The following ZNF783 variants were observed in gnomAD, a reference collection of about 807,000 sequenced individuals.
The protein encoded by ZNF783 is protein ZNF783.
Under a neutral mutation model 31.3 loss-of-function variants are expected in ZNF783, and 25 were observed. That is an observed-to-expected ratio of 0.80 (90% CI 0.58 to 1.11). ZNF783 has a LOEUF of 1.11. ZNF783 is among the 50% of genes most tolerant of loss of function. The probability of loss-of-function intolerance (pLI) is 0.00; values close to 1 mark genes in which losing one functional copy is unlikely to be tolerated. For synonymous variants in ZNF783, 369 were observed against 319.1 expected, an observed-to-expected ratio of 1.16 and a Z score of -1.66; for missense variants, 797 against 760.0, an observed-to-expected ratio of 1.05 and a Z score of -0.57.
intron 1 of ZNF783, among the ~76,000 whole-genome samples, chr7:149,263,304 G>GTGTGTA (rs1459712064): frequency 3.4e-4 from 22 of 64,320 alleles, no homozygotes; most frequent in South Asian, 2.5e-3. Flanking sequence ...GTGTGTGTGT[G>GTGTGTA]TATATATATA....
In ZNF783 at chr7:149,267,339, C is replaced by G. The variant is rs373575900; in HGVS notation, c.673+117C>G. The G allele has an allele frequency of 1.6e-5, 22 of 1,396,822 alleles. No individual in the cohort carries two copies. In the East Asian group the frequency reaches 2.9e-4, roughly 18 times the overall value. The allele number at this position is 1,396,822 out of a possible 1,614,324, so 86.5% of individuals were successfully genotyped here. On this transcript the variant is annotated intron_variant, in intron 4 of 5. Coordinates refer to ENST00000434415, the MANE Select transcript of ZNF783 (RefSeq NM_001195220.2). ...GCAGGAAGGGAGCATAGACCATTAA[C>G]CCAAAGTGGGACCACTCTGTACAAG...
chr7:149,266,092 G>A (rs1239518155), intron 1 of ZNF783, among the ~76,000 whole-genome samples: 2 of 152,180 alleles, frequency 1.3e-5, no homozygotes, highest in Admixed American at 1.3e-4. Flanking sequence ...ACAGGAGCCG[G>A]GGCTGTTTTT....
In ZNF783 at chr7:149,281,849, T is replaced by A. The variant is rs1797478520; in HGVS notation, c.1147T>A (p.Ser383Thr). The A allele has an allele frequency of 1.3e-6, 2 of 1,494,790 alleles. No individual in the cohort carries two copies. Among genetic ancestry groups the A allele is most frequent in the Non-Finnish European group, 1.8e-6 (2 of 1,131,550 alleles). The allele number at this position is 1,494,790 out of a possible 1,614,324, so 92.6% of individuals were successfully genotyped here. Residue 383 changes from serine (S) to threonine (T), a missense_variant, in exon 6 of 6, where the codon TCG becomes ACG. Ser to Thr is a moderately conservative substitution (Grantham distance 58). Coordinates refer to ENST00000434415, the MANE Select transcript of ZNF783 (RefSeq NM_001195220.2). ...GGGGCGGCAGGAGGCCCCCGGCCGC[T>A]CGCCCACCAGCTGCGGGGACAGCCA... Reference protein sequence around the residue: ...EEGRQEAPGRSPTSCGDSQAM... With the variant: ...EEGRQEAPGRTPTSCGDSQAM...
intron 5 of ZNF783, among the ~76,000 whole-genome samples, chr7:149,280,059 C>A: frequency 6.6e-6 from 1 of 151,766 alleles, no homozygotes; most frequent in East Asian, 2.0e-4. Context: ...GCAGAGGCGC[C>A]CCTCACCTCC....
Position 149,262,326 on chromosome 7 carries a change from G to A in ZNF783, c.-8G>A, listed in dbSNP as rs936641225. On this transcript the variant is annotated 5_prime_UTR_variant, in exon 1 of 6. Coordinates refer to ENST00000434415, the MANE Select transcript of ZNF783 (RefSeq NM_001195220.2). ...GGGACTGCAACCCAGCGAGGGACGCGGGCAGCCATGGCCGAAGCGGCGCCT... is the reference window on the plus strand; with the variant it reads ...GGGACTGCAACCCAGCGAGGGACGCAGGCAGCCATGGCCGAAGCGGCGCCT... 3.0e-6 allele frequency: 4 copies of A among 1,354,024 alleles called. No individual in the cohort carries two copies. Among genetic ancestry groups the A allele is most frequent in the Non-Finnish European group, 3.8e-6 (4 of 1,048,310 alleles). The allele number at this position is 1,354,024 out of a possible 1,614,324, so 83.9% of individuals were successfully genotyped here.
chr7:149,271,242 T>A (rs1351707782), intron 4 of ZNF783, among the ~76,000 whole-genome samples: 1 of 152,378 alleles, frequency 6.6e-6, no homozygotes, highest in Middle Eastern at 3.4e-3. Flanking sequence ...CCAGCCTGGC[T>A]CTTTGATTTT....
At position 149,282,189 on chromosome 7, in the gene ZNF783, GC is replaced by G; in HGVS notation, c.1492del (p.Gln498SerfsTer67). 2 of 1,600,702 alleles carry G rather than the reference GC, an allele frequency of 1.2e-6. No homozygotes were observed. The highest frequency in any genetic ancestry group is 2.2e-5 in the South Asian group (2 of 91,074). ...RIHTGERPYQ[C>X]PQCGRTFNRN... ...CACACCGGTGAGCGGCCCTACCAGT[GC>G]CCCCAGTGTGGCCGGACCTTCAACC... On this transcript the variant is annotated frameshift_variant, in exon 6 of 6. Transcript: ENST00000434415. LOFTEE classifies it low-confidence loss of function (END_TRUNC).
Position 149,262,304 on chromosome 7 carries a change from A to G in ZNF783, c.-30A>G, listed in dbSNP as rs1454137547. 38 of 1,358,324 alleles carry G rather than the reference A, an allele frequency of 2.8e-5. No individual in the cohort carries two copies. The highest frequency in any genetic ancestry group is 3.3e-5 in the Non-Finnish European group (35 of 1,051,380). 84.1% of individuals were successfully genotyped at this position (1,358,324 alleles called of 1,614,324 possible). A position where few individuals can be genotyped will look rare whatever the true frequency, so the allele number is the denominator to read the frequency against. On this transcript the variant is annotated 5_prime_UTR_variant, in exon 1 of 6. Transcript: ENST00000434415. Reference sequence around the variant, plus strand: ...CGGGCCCGACAGGCCGGGTCCAGGGACTGCAACCCAGCGAGGGACGCGGGC... The same window carrying G: ...CGGGCCCGACAGGCCGGGTCCAGGGGCTGCAACCCAGCGAGGGACGCGGGC...
chr7:149,262,430 G>A lies in ZNF783; in HGVS notation c.24+73G>A, dbSNP rs1563192440. On this transcript the variant is annotated intron_variant, in intron 1 of 5. Transcript: ENST00000434415. ...CGCGTGAGCCCGCGCGAGGGACTCT[G>A]GCCGCGCGAGGCCGCGGGGTGAGAG... is the stretch of plus-strand genomic sequence containing the variant. The A allele has an allele frequency of 9.6e-6, 11 of 1,141,508 alleles. No individual in the cohort carries two copies. The South Asian group carries it at 2.6e-4, about 27-fold the overall frequency. 70.7% of individuals were successfully genotyped at this position (1,141,508 alleles called of 1,614,324 possible). A position where few individuals can be genotyped will look rare whatever the true frequency, so the allele number is the denominator to read the frequency against.
Position 149,262,357 on chromosome 7 carries a change from G to T in ZNF783, c.24G>T (p.Arg8=). 2 of 1,318,724 alleles carry T rather than the reference G, an allele frequency of 1.5e-6. No individual in the cohort carries two copies. The highest frequency in any genetic ancestry group is 9.7e-7 in the Non-Finnish European group (1 of 1,031,034). The allele number at this position is 1,318,724 out of a possible 1,614,324, so 81.7% of individuals were successfully genotyped here. A position where few individuals can be genotyped will look rare whatever the true frequency, so the allele number is the denominator to read the frequency against. Residue 8 remains arginine (R), a splice_region_variant and synonymous_variant, in exon 1 of 6, where the codon CGG becomes CGT. Transcript: ENST00000434415. ...CCATGGCCGAAGCGGCGCCTGCCCGGGTAAGCGCCCTCGGCCCCGCGGACG... is the reference window on the plus strand; with the variant it reads ...CCATGGCCGAAGCGGCGCCTGCCCGTGTAAGCGCCCTCGGCCCCGCGGACG... MAEAAPA[R]DPETDKHTED... is the part of the protein sequence containing the mutation.
intron 4 of ZNF783, among the ~76,000 whole-genome samples, chr7:149,269,285 GTTGAT>G (rs1438270353): frequency 6.6e-6 from 1 of 152,088 alleles, no homozygotes; most frequent in African/African-American, 2.4e-5. Context: ...TTTATTGCTT[GTTGAT>G]TTAAGTTCCT....
intron 4 of ZNF783, among the ~76,000 whole-genome samples, chr7:149,274,257 A>T (rs990870932): frequency 6.6e-6 from 1 of 151,830 alleles, no homozygotes; most frequent in African/African-American, 2.4e-5. Flanking sequence ...ATGATGAGAG[A>T]TAGGAGTTTA....
At chr7:149,269,022 A>C (rs990359017) in intron 4 of ZNF783, among the ~76,000 whole-genome samples, 4 of 152,216 alleles carry the variant, frequency 2.6e-5, no homozygotes, top group African/African-American at 9.6e-5. Flanking sequence ...GAAATCTTCA[A>C]ACTGCTTTCC....
At chr7:149,275,696 C>CT (rs1209838489) in intron 4 of ZNF783, 1 of 152,332 alleles carries the variant, frequency 6.6e-6, no homozygotes, top group Non-Finnish European at 1.5e-5. Flanking sequence ...TCTGGGGGCA[C>CT]TGGAGGCCAA....
At chr7:149,272,491 C>A (rs1797229228) in intron 4 of ZNF783, among the ~76,000 whole-genome samples, 1 of 152,082 alleles carries the variant, frequency 6.6e-6, no homozygotes, top group Non-Finnish European at 1.5e-5. Context: ...TTGTAGGATT[C>A]TTTTCAGTGT....
rs760111366 is a variant in ZNF783, at chr7:149,282,131, C to T, written c.1429C>T (p.Arg477Trp). Residue 477 changes from arginine (R) to tryptophan (W), a missense_variant, in exon 6 of 6, where the codon CGG (arginine) becomes TGG (tryptophan). Transcript: ENST00000434415. The stretch of plus-strand genomic sequence containing the variant: ...CCCCTACTGCGGCAAGGCCTTCCGC[C>T]GGCCCTCGGACCTCTTCCGGCACCA... ...ACPYCGKAFR[R>W]PSDLFRHQRI... is the part of the protein sequence containing the mutation. The T allele has an allele frequency of 3.1e-6, 5 of 1,599,348 alleles. No homozygotes were observed. Among genetic ancestry groups the T allele is most frequent in the African/African-American group, 1.3e-5 (1 of 74,920 alleles).
chr7:149,271,457 G>A (rs1797209186), intron 4 of ZNF783, among the ~76,000 whole-genome samples: 1 of 152,074 alleles, frequency 6.6e-6, no homozygotes, highest in Non-Finnish European at 1.5e-5. Flanking sequence ...TTTGTCCTCT[G>A]TATACATTCT....
At chr7:149,263,265 C>CGTGTGTGT (rs56067256) in intron 1 of ZNF783, among the ~76,000 whole-genome samples, 47 of 121,440 alleles carry the variant, frequency 3.9e-4, no homozygotes, top group Admixed American at 8.9e-4. Flanking sequence ...TATATATATA[C>CGTGTGTGT]GTGTGTGTGT....
At position 149,262,298 on chromosome 7, in the gene ZNF783, C is replaced by T. The variant is rs1796943165; in HGVS notation, c.-36C>T. ...CCGCCCCGGGCCCGACAGGCCGGGT[C>T]CAGGGACTGCAACCCAGCGAGGGAC... On this transcript the variant is annotated 5_prime_UTR_variant, in exon 1 of 6. Transcript: ENST00000434415. 1.5e-6 allele frequency: 2 copies of T among 1,358,508 alleles called. No individual in the cohort carries two copies. Among genetic ancestry groups the T allele is most frequent in the Non-Finnish European group, 9.5e-7 (1 of 1,051,634 alleles). The allele number at this position is 1,358,508 out of a possible 1,614,324, so 84.2% of individuals were successfully genotyped here.
Sources: gnomAD v4.1 joint callset for allele counts (sites outside exome capture counted in the v4.1 genomes callset) on GRCh38, gnomAD v4.1.1 for gene constraint, MANE v1.5 for transcripts, NCBI Gene and HGNC (gene_info 2026-07-23, HGNC 2026-07-21) for gene names.